SAMD5: variants seen among roughly 807,000 people sequenced by gnomAD.
SAMD5 encodes sterile alpha motif domain-containing protein 5.
In SAMD5, 13 loss-of-function variants were observed where a neutral mutation model predicts 11.3. The ratio of observed to expected loss-of-function variants is 1.15; its 90% CI spans 0.75 to 1.83. SAMD5 has a LOEUF of 1.83. Among genes scored for constraint, SAMD5 ranks in the 40% most tolerant of loss-of-function variants. The probability of loss-of-function intolerance (pLI) is 0.00; values close to 1 mark genes in which losing one functional copy is unlikely to be tolerated. For missense variants in SAMD5, 255 were observed against 239.1 expected, an observed-to-expected ratio of 1.07 and a Z score of -0.44; for synonymous variants, 129 against 111.3, an observed-to-expected ratio of 1.16 and a Z score of -1.00.
chr6:147,798,728 C>G, the SAMD5 span, among the ~76,000 whole-genome samples: 1 of 152,140 alleles, frequency 6.6e-6, no homozygotes, highest in African/African-American at 2.4e-5. Context: ...TCACTCAGGA[C>G]TTGCTTTATG....
intron 1 of SAMD5, among the ~76,000 whole-genome samples, chr6:147,670,708 AAG>A (rs1790783098): frequency 6.6e-6 from 1 of 152,216 alleles, no homozygotes; most frequent in South Asian, 2.1e-4. Context: ...CTTAGAATTG[AAG>A]AGAGTTAGAG....
chr6:147,812,503 GT>G, the SAMD5 span, among the ~76,000 whole-genome samples: 1,693 of 152,140 alleles, frequency 0.011, 37 homozygotes, highest in African/African-American at 0.039. Flanking sequence ...CATACCAGCA[GT>G]TTTGATTTTT....
the SAMD5 span, among the ~76,000 whole-genome samples, chr6:147,759,057 CTT>C: frequency 2.0e-5 from 3 of 152,186 alleles, no homozygotes; most frequent in Non-Finnish European, 4.4e-5. Flanking sequence ...ATTAAAATCA[CTT>C]AGTAACTGCG....
At chr6:147,629,731 A>G (rs1562337686) in intron 1 of SAMD5, among the ~76,000 whole-genome samples, 1 of 152,160 alleles carries the variant, frequency 6.6e-6, no homozygotes, top group African/African-American at 2.4e-5. Context: ...ATGGACTGTT[A>G]TCCCTAGATA....
At chr6:147,672,002 T>A (rs916732498) in intron 1 of SAMD5, among the ~76,000 whole-genome samples, 1 of 151,580 alleles carries the variant, frequency 6.6e-6, no homozygotes, top group African/African-American at 2.4e-5. Context: ...TTTGTTGCAG[T>A]CTGCATTGAA....
intron 1 of SAMD5, among the ~76,000 whole-genome samples, chr6:147,558,874 G>C (rs954320443): frequency 3.3e-5 from 5 of 152,028 alleles, no homozygotes; most frequent in African/African-American, 7.2e-5. Context: ...CATTTAGTCT[G>C]TCTCCATGGA....
chr6:147,692,064 A>G (rs959265179), intron 1 of SAMD5, among the ~76,000 whole-genome samples: 6 of 152,088 alleles, frequency 3.9e-5, no homozygotes, highest in Admixed American at 3.3e-4. Context: ...TCCAATAACT[A>G]TTTGAGTGAT....
At chr6:147,824,386 A>G in the SAMD5 span, among the ~76,000 whole-genome samples, 1 of 152,220 alleles carries the variant, frequency 6.6e-6, no homozygotes, top group Non-Finnish European at 1.5e-5. Flanking sequence ...TCAATATGCT[A>G]ATGTTTACAG....
intron 1 of SAMD5, among the ~76,000 whole-genome samples, chr6:147,673,970 G>A (rs879310544): frequency 8.5e-5 from 13 of 152,158 alleles, no homozygotes; most frequent in Admixed American, 5.9e-4. Context: ...TAAGCTCTGT[G>A]ATTATTAGGA....
intron 1 of SAMD5, among the ~76,000 whole-genome samples, chr6:147,679,269 A>G (rs1790907052): frequency 6.6e-6 from 1 of 152,134 alleles, no homozygotes; most frequent in Non-Finnish European, 1.5e-5. Context: ...TTGTATTCAG[A>G]CTGCAGAGTA....
chr6:147,730,245 T>C (rs1363990017), intron 1 of SAMD5: 4 of 366,918 alleles, frequency 1.1e-5, no homozygotes, highest in Non-Finnish European at 2.1e-5. Flanking sequence ...TGAGCAAAGA[T>C]ATGAAATTCC....
At chr6:147,811,743 A>G in the SAMD5 span, among the ~76,000 whole-genome samples, 52 of 152,332 alleles carry the variant, frequency 3.4e-4, no homozygotes, top group African/African-American at 1.2e-3. Context: ...AACTTTAGAT[A>G]CTGAGAATGA....
the SAMD5 span, among the ~76,000 whole-genome samples, chr6:147,906,524 C>T: frequency 3.9e-5 from 6 of 152,168 alleles, no homozygotes; most frequent in South Asian, 2.1e-4. Flanking sequence ...CATCTGGTGA[C>T]GGCCATTGAC....
chr6:147,515,988 C>T (rs1331886990), intron 1 of SAMD5, among the ~76,000 whole-genome samples: 3 of 152,252 alleles, frequency 2.0e-5, no homozygotes, highest in East Asian at 1.9e-4. Context: ...CTCTCTGCAG[C>T]ATGGCCAGGA....
chr6:147,920,680 T>C, the SAMD5 span, among the ~76,000 whole-genome samples: 1 of 152,196 alleles, frequency 6.6e-6, no homozygotes, highest in Non-Finnish European at 1.5e-5. Context: ...GAGCCATCCA[T>C]CCAAGGAGTT....
At chr6:147,926,018 T>C in the SAMD5 span, among the ~76,000 whole-genome samples, 55 of 152,340 alleles carry the variant, frequency 3.6e-4, no homozygotes, top group African/African-American at 1.3e-3. Flanking sequence ...AACATGATCT[T>C]GTTCTTTTTT....
At chr6:147,605,387 T>A (rs1199444337) in intron 1 of SAMD5, among the ~76,000 whole-genome samples, 2 of 152,194 alleles carry the variant, frequency 1.3e-5, no homozygotes, top group African/African-American at 4.8e-5. Context: ...AACACTGGGA[T>A]TATAAGTATG....
chr6:147,792,187 A>G, the SAMD5 span, among the ~76,000 whole-genome samples: 18 of 152,212 alleles, frequency 1.2e-4, no homozygotes, highest in Admixed American at 2.0e-4. Context: ...GCAAACATAA[A>G]TAACTTTGGA....
the SAMD5 span, among the ~76,000 whole-genome samples, chr6:147,752,430 G>A: frequency 6.6e-6 from 1 of 152,072 alleles, no homozygotes; most frequent in African/African-American, 2.4e-5. Context: ...TATACATACT[G>A]TCACAATGGA....
Sources: gnomAD v4.1 joint callset for allele counts (sites outside exome capture counted in the v4.1 genomes callset) on GRCh38, gnomAD v4.1.1 for gene constraint, MANE v1.5 for transcripts, NCBI Gene and HGNC (gene_info 2026-07-23, HGNC 2026-07-21) for gene names.